G3BP2: variants seen among roughly 807,000 people sequenced by gnomAD.
G3BP2 encodes G3BP stress granule assembly factor 2, also known as ras GTPase-activating protein-binding protein 2.
Under a neutral mutation model 56.7 loss-of-function variants are expected in G3BP2, and 11 were observed. That is an observed-to-expected ratio of 0.19 (90% CI 0.12 to 0.32). G3BP2 has a LOEUF of 0.32. G3BP2 is among the 10% of genes least tolerant of loss of function. G3BP2 has a pLI of 1.00. For synonymous variants in G3BP2, 165 were observed against 191.6 expected, an observed-to-expected ratio of 0.86 and a Z score of 1.15; for missense variants, 340 against 610.9, an observed-to-expected ratio of 0.56 and a Z score of 4.67.
rs555147298 is a variant in G3BP2, at chr4:75,663,145, G to A, written c.-24-1096C>T. Among the ~76,000 whole-genome samples, 4 of 152,344 alleles carry A rather than the reference G, an allele frequency of 2.6e-5. No homozygotes were observed. In the South Asian group the frequency reaches 6.2e-4, roughly 24 times the overall value. ...CTAGCCCTCAAGGAGTTTATAGTCT[G>A]TCAAGAAATATAAACAAGCAAACTG... On this transcript the variant is annotated intron_variant, in intron 1 of 11. Coordinates refer to ENST00000359707, the MANE Select transcript of G3BP2 (RefSeq NM_203505.3).
At chr4:75,658,979 C>A in intron 2 of G3BP2, 55 bp from the exon 3 acceptor site, 1 of 1,333,772 alleles carries the variant, frequency 7.5e-7, no homozygotes, top group East Asian at 2.3e-5. Flanking sequence ...GCCTAAGAAG[C>A]AGAATTCTGG....
chr4:75,680,352 T>C (rs564716484), intron 3 of G3BP2, among the ~76,000 whole-genome samples: 103 of 152,316 alleles, frequency 6.8e-4, no homozygotes, highest in African/African-American at 2.4e-3. Flanking sequence ...ATGAAACACA[T>C]GGGATCAAAT....
At chr4:75,718,299 A>G (rs1430734328) in intron 3 of G3BP2, among the ~76,000 whole-genome samples, 1 of 151,598 alleles carries the variant, frequency 6.6e-6, no homozygotes, top group East Asian at 1.9e-4. Flanking sequence ...AAAAATGGAA[A>G]CACACCTGGG....
At chr4:75,686,564 C>CGGGGGGTGGGGGT (rs1481933500) in intron 3 of G3BP2, among the ~76,000 whole-genome samples, 3 of 1,336 alleles carry the variant, frequency 2.2e-3, no homozygotes, top group Non-Finnish European at 4.9e-3. Context: ...GGGTGGGTGG[C>CGGGGGGTGGGGGT]GGGGGGTGGG....
chr4:75,661,583 A>G (rs1732565600), intron 2 of G3BP2: 1 of 156,306 alleles, frequency 6.4e-6, no homozygotes, highest in Non-Finnish European at 1.4e-5. Flanking sequence ...GCTTGAGGCC[A>G]AAAGTTTGAG....
intron 3 of G3BP2, among the ~76,000 whole-genome samples, chr4:75,717,034 G>A (rs1719956572): frequency 6.6e-6 from 1 of 152,094 alleles, no homozygotes; most frequent in Admixed American, 6.6e-5. Context: ...ACCTGCCTAT[G>A]CCAGTTCTGG....
chr4:75,711,869 T>C (rs2149109782), intron 3 of G3BP2, among the ~76,000 whole-genome samples: 1 of 152,304 alleles, frequency 6.6e-6, no homozygotes, highest in East Asian at 1.9e-4. Context: ...CTAGTAGTTT[T>C]GTTGGGGTTC....
intron 3 of G3BP2, among the ~76,000 whole-genome samples, chr4:75,698,666 C>T (rs1011183154): frequency 6.6e-6 from 1 of 152,088 alleles, no homozygotes; most frequent in Non-Finnish European, 1.5e-5. Flanking sequence ...GGAGGGACTT[C>T]ACCACATACT....
intron 6 of G3BP2, 147 bp from the exon 7 acceptor site, chr4:75,655,393 C>A (rs1732016365): frequency 1.6e-6 from 1 of 644,614 alleles, no homozygotes; most frequent in South Asian, 1.9e-5. Context: ...CCAAAAAGAG[C>A]TATAAGACAG....
Position 75,714,178 on chromosome 4 carries a change from A to G in G3BP2, c.-25+6699T>C, listed in dbSNP as rs1256244580. Among the ~76,000 whole-genome samples, 4 of 152,242 alleles carry G rather than the reference A, an allele frequency of 2.6e-5. No homozygotes were observed. In the East Asian group the frequency reaches 5.8e-4, roughly 22 times the overall value. ...CCTGTAGATTAATTAGATAATGGCAATGTATCAGTGTTCATTTCCTGGTTT... is the reference window on the plus strand; with the variant it reads ...CCTGTAGATTAATTAGATAATGGCAGTGTATCAGTGTTCATTTCCTGGTTT... On this transcript the variant is annotated intron_variant, in intron 3 of 3. Transcript: ENST00000499709.
chr4:75,668,878 A>G (rs1369494198), intron 1 of G3BP2, among the ~76,000 whole-genome samples: 3 of 152,198 alleles, frequency 2.0e-5, no homozygotes, highest in Non-Finnish European at 4.4e-5. Context: ...CCTTTATCAT[A>G]GCAGTTTATT....
At chr4:75,709,975 G>T (rs892881285) in intron 3 of G3BP2, among the ~76,000 whole-genome samples, 10 of 152,234 alleles carry the variant, frequency 6.6e-5, no homozygotes, top group African/African-American at 2.2e-4. Context: ...TTATTGAAAG[G>T]GTATAGACTA....
rs539726592 is a variant in G3BP2 at position 75,655,949 on chromosome 4, G to C, written c.443-79C>G. ...CGGACATATTTTTAACATGTTTAAG[G>C]AAGTGGTATGATAGCAAAAAAGAAA... On this transcript the variant is annotated intron_variant, in intron 5 of 11. Coordinates refer to ENST00000359707, the MANE Select transcript of G3BP2 (RefSeq NM_203505.3). 147 of 781,512 alleles carry C rather than the reference G, an allele frequency of 1.9e-4. 1 individual carries two copies. In the South Asian group the frequency reaches 2.2e-3, roughly 11 times the overall value. The allele number at this position is 781,512 out of a possible 1,614,324, so 48.4% of individuals were successfully genotyped here. A position where few individuals can be genotyped will look rare whatever the true frequency, so the allele number is the denominator to read the frequency against.
chr4:75,643,157 T>C lies in G3BP2; in HGVS notation c.*2273A>G, dbSNP rs1433922823. 4 of 152,356 alleles carry C rather than the reference T, an allele frequency of 2.6e-5. No homozygotes were observed. The highest frequency in any genetic ancestry group is 2.6e-4 in the Admixed American group (4 of 15,260). The allele number at this position is 152,356 out of a possible 1,614,324, so 9.4% of individuals were successfully genotyped here. ...TAAACTTCTCCATATGATGTTTTAA[T>C]GTTTTATTCATGGTATGTAAAGACT... On this transcript the variant is annotated 3_prime_UTR_variant, in exon 12 of 12. Coordinates refer to ENST00000359707, the MANE Select transcript of G3BP2 (RefSeq NM_203505.3).
At chr4:75,656,017 G>A (rs1284507511) in intron 5 of G3BP2, 147 bp from the exon 6 acceptor site, 1 of 568,074 alleles carries the variant, frequency 1.8e-6, no homozygotes, top group Non-Finnish European at 3.1e-6. Flanking sequence ...TTGAGATGGA[G>A]TCTTGTTCTG....
intron 8 of G3BP2, among the ~76,000 whole-genome samples, chr4:75,650,519 C>T (rs1204811871): frequency 6.6e-6 from 1 of 151,720 alleles, no homozygotes; most frequent in African/African-American, 2.4e-5. Context: ...AACTCCTATG[C>T]TAACAGTTTA....
chr4:75,658,708 C>T (rs1370979257), intron 3 of G3BP2, 135 bp downstream of exon 3: 3 of 654,034 alleles, frequency 4.6e-6, no homozygotes, highest in South Asian at 3.6e-5. Flanking sequence ...GCCTGGGCAA[C>T]AAGAGCAAAA....
At chr4:75,699,165 C>A (rs982825514) in intron 3 of G3BP2, among the ~76,000 whole-genome samples, 1 of 152,198 alleles carries the variant, frequency 6.6e-6, no homozygotes, top group South Asian at 2.1e-4. Context: ...TTTTTCCTCT[C>A]CACTGGCTCA....
At chr4:75,720,818 A>C (rs1179948620) in intron 3 of G3BP2, among the ~76,000 whole-genome samples, 1 of 148,192 alleles carries the variant, frequency 6.7e-6, no homozygotes, top group African/African-American at 2.5e-5. Flanking sequence ...TAAATAAATA[A>C]ATAAATAAAT....
Sources: allele counts gnomAD v4.1 joint callset (sites outside exome capture counted in the v4.1 genomes callset), GRCh38; gene constraint gnomAD v4.1.1; transcripts MANE v1.5; gene names NCBI Gene and HGNC (gene_info 2026-07-23, HGNC 2026-07-21).